PBX3: variants seen among roughly 807,000 people sequenced by gnomAD.
The protein encoded by PBX3 is PBX homeobox 3, also known as pre-B-cell leukemia transcription factor 3.
In PBX3, 14 loss-of-function variants were observed where a neutral mutation model predicts 48.5. That is an observed-to-expected ratio of 0.29 (90% CI 0.19 to 0.45). The LOEUF is 0.45. PBX3 is among the 20% of genes least tolerant of loss of function. The probability of loss-of-function intolerance (pLI) is 1.00; values close to 1 mark genes in which losing one functional copy is unlikely to be tolerated. For synonymous variants in PBX3, 210 were observed against 200.3 expected, an observed-to-expected ratio of 1.05 and a Z score of -0.41; for missense variants, 386 against 546.7, an observed-to-expected ratio of 0.71 and a Z score of 2.93.
intron 2 of PBX3, among the ~76,000 whole-genome samples, chr9:125,815,693 GGTGTGT>G (rs35255670): frequency 5.4e-5 from 8 of 149,478 alleles, no homozygotes; most frequent in African/African-American, 7.4e-5. Flanking sequence ...GCAGTGACTG[GGTGTGT>G]GTGTGTGTGT....
intron 2 of PBX3, among the ~76,000 whole-genome samples, chr9:125,813,355 G>GT (rs1298947709): frequency 6.6e-6 from 1 of 152,102 alleles, no homozygotes; most frequent in Non-Finnish European, 1.5e-5. Context: ...CAAAATATCA[G>GT]TAGGTGATAG....
At chr9:125,847,646 G>C (rs1763259354) in intron 2 of PBX3, among the ~76,000 whole-genome samples, 1 of 151,416 alleles carries the variant, frequency 6.6e-6, no homozygotes, top group Non-Finnish European at 1.5e-5. Context: ...TTTCAGTAGT[G>C]GCATTAGGAT....
chr9:125,949,819 A>G (rs911224052), intron 5 of PBX3, among the ~76,000 whole-genome samples: 1 of 152,144 alleles, frequency 6.6e-6, no homozygotes, highest in African/African-American at 2.4e-5. Context: ...CAGGGATTAG[A>G]TTTACGTGAA....
At chr9:125,851,830 A>G (rs565190812) in intron 2 of PBX3, among the ~76,000 whole-genome samples, 109 of 144,008 alleles carry the variant, frequency 7.6e-4, no homozygotes, top group African/African-American at 2.6e-3. Flanking sequence ...AATTAAAAGC[A>G]TTTGTTTAGA....
chr9:125,760,109 G>C (rs931232784), intron 2 of PBX3, among the ~76,000 whole-genome samples: 2 of 152,094 alleles, frequency 1.3e-5, no homozygotes, highest in African/African-American at 4.8e-5. Context: ...TTTATTTCAC[G>C]CGGTTTGTTC....
Position 125,916,008 on chromosome 9 carries a change from T to C in PBX3, c.516+81T>C, listed in dbSNP as rs1841324273. ...GACCATGCTAACCAATTCTGAGGGC[T>C]GTGAGGGGTAGGTGTTAACACAAAT... On this transcript the variant is annotated intron_variant, in intron 3 of 8. Coordinates refer to ENST00000373489, the MANE Select transcript of PBX3 (RefSeq NM_006195.6). 3 of 1,544,556 alleles carry C rather than the reference T, an allele frequency of 1.9e-6. No individual in the cohort carries two copies. The African/African-American group carries it at 4.1e-5, about 21-fold the overall frequency.
chr9:125,919,359 A>ATTTTTTTTTT (rs34891465), intron 3 of PBX3, among the ~76,000 whole-genome samples: 639 of 102,738 alleles, frequency 6.2e-3, no homozygotes, highest in East Asian at 0.017. Context: ...TGCCCGTCTA[A>ATTTTTTTTTT]TTTTTTTTTT....
intron 6 of PBX3, 65 bp downstream of exon 6, chr9:125,960,914 C>G (rs1201515773): frequency 6.6e-7 from 1 of 1,519,054 alleles, no homozygotes; most frequent in African/African-American, 1.4e-5. Context: ...CCCTGTCCCA[C>G]AGGCCAGGAA....
At chr9:125,870,613 T>C (rs1055023205) in intron 2 of PBX3, among the ~76,000 whole-genome samples, 7 of 152,222 alleles carry the variant, frequency 4.6e-5, no homozygotes, top group African/African-American at 1.7e-4. Context: ...TTGTGGGAGC[T>C]ACAATTCAAG....
intron 2 of PBX3, chr9:125,865,310 G>A (rs1389986131): frequency 5.9e-6 from 1 of 169,174 alleles, no homozygotes. Flanking sequence ...TTACATGTGA[G>A]TATGTTCTTA....
At chr9:125,916,053 G>T in intron 3 of PBX3, 126 bp downstream of exon 3, 2 of 1,347,256 alleles carry the variant, frequency 1.5e-6, no homozygotes, top group South Asian at 3.1e-5. Context: ...AATAAGGTCA[G>T]TGCAAAAATC....
intron 2 of PBX3, among the ~76,000 whole-genome samples, chr9:125,797,026 C>T (rs949260204): frequency 5.3e-5 from 8 of 152,062 alleles, no homozygotes; most frequent in Admixed American, 5.2e-4. Context: ...TTGGTTGAAA[C>T]ACCCAGTTGC....
intron 2 of PBX3, among the ~76,000 whole-genome samples, chr9:125,750,421 A>G (rs1013538419): frequency 6.6e-6 from 1 of 152,232 alleles, no homozygotes; most frequent in Admixed American, 6.5e-5. Flanking sequence ...GCAGAATTCA[A>G]TTAGGAAGCA....
rs1554732467 is a variant in PBX3 at position 125,948,705 on chromosome 9, C to CCT, written c.844-11979_844-11978insCT. Among the ~76,000 whole-genome samples the CCT allele has an allele frequency of 2.0e-5, 3 of 148,626 alleles. No homozygotes were observed. The East Asian group carries it at 5.9e-4, about 29-fold the overall frequency. ...ATCTGTATATATGTGCAGGTATATA[C>CCT]GTGTGTGTGTGTGTGTATATATATA... On this transcript the variant is annotated intron_variant, in intron 5 of 8. Transcript: ENST00000373489.
At chr9:125,800,810 A>G (rs1434331765) in intron 2 of PBX3, among the ~76,000 whole-genome samples, 1 of 148,370 alleles carries the variant, frequency 6.7e-6, no homozygotes, top group East Asian at 2.0e-4. Context: ...CTGGAGTGCA[A>G]TGGCATGACC....
At chr9:125,889,760 G>A (rs1459321446) in intron 2 of PBX3, among the ~76,000 whole-genome samples, 1 of 150,502 alleles carries the variant, frequency 6.6e-6, no homozygotes, top group Non-Finnish European at 1.5e-5. Flanking sequence ...GCCGCGGCGG[G>A]GAGCGGGGCC....
intron 2 of PBX3, among the ~76,000 whole-genome samples, chr9:125,889,921 G>C (rs1054062557): frequency 6.7e-6 from 1 of 150,194 alleles, no homozygotes; most frequent in African/African-American, 2.4e-5. Flanking sequence ...GGGGCAGAGC[G>C]CCCTGAGCGG....
intron 8 of PBX3, among the ~76,000 whole-genome samples, chr9:125,965,199 G>A (rs1353581094): frequency 6.6e-6 from 1 of 152,248 alleles, no homozygotes; most frequent in Non-Finnish European, 1.5e-5. Flanking sequence ...GCAGGTCTGA[G>A]GCAGGAAGGG....
intron 3 of PBX3, among the ~76,000 whole-genome samples, chr9:125,927,474 A>G (rs1201144769): frequency 2.0e-5 from 3 of 152,202 alleles, no homozygotes; most frequent in South Asian, 2.1e-4. Context: ...AAAAACCATC[A>G]TGTGCTATAT....
Sources: allele counts gnomAD v4.1 joint callset (sites outside exome capture counted in the v4.1 genomes callset), GRCh38; gene constraint gnomAD v4.1.1; transcripts MANE v1.5; gene names NCBI Gene and HGNC (gene_info 2026-07-23, HGNC 2026-07-21).